Variants in NBAS observed in about 807,000 individuals in gnomAD.
The protein encoded by NBAS is NAG/BC035112 fusion.
In NBAS, 219 loss-of-function variants were observed where a neutral mutation model predicts 302.5. The ratio of observed to expected loss-of-function variants is 0.72; its 90% CI spans 0.65 to 0.81. The LOEUF is 0.81. Ranked by LOEUF, NBAS falls within the 30% of genes least tolerant of loss-of-function variation. The probability of loss-of-function intolerance (pLI) is 0.00; values close to 1 mark genes in which losing one functional copy is unlikely to be tolerated. For missense variants in NBAS, 2,932 were observed against 2,841.6 expected, an observed-to-expected ratio of 1.03 and a Z score of -0.72; for synonymous variants, 1,118 against 1,021.6, an observed-to-expected ratio of 1.09 and a Z score of -1.80.
the NBAS span, among the ~76,000 whole-genome samples, chr2:15,001,541 A>C: frequency 6.6e-6 from 1 of 152,234 alleles, no homozygotes; most frequent in East Asian, 1.9e-4. Flanking sequence ...TTATATTACA[A>C]TAGTTATAAT....
chr2:15,314,708 C>T (rs1199688643), intron 38 of NBAS, among the ~76,000 whole-genome samples: 2 of 152,134 alleles, frequency 1.3e-5, no homozygotes, highest in Non-Finnish European at 2.9e-5. Flanking sequence ...AACACATGTC[C>T]ACCAAAATAC....
At chr2:15,322,860 A>C (rs1671874900) in intron 38 of NBAS, among the ~76,000 whole-genome samples, 1 of 152,194 alleles carries the variant, frequency 6.6e-6, no homozygotes, top group Admixed American at 6.5e-5. Context: ...CAAAATATAC[A>C]AAATGTGATA....
chr2:15,140,397 G>T, the NBAS span, among the ~76,000 whole-genome samples: 4 of 152,178 alleles, frequency 2.6e-5, no homozygotes, highest in Admixed American at 6.5e-5. Flanking sequence ...CTAAATTTGG[G>T]GTGGTTTGTA....
chr2:15,500,707 G>A (rs994361238), intron 11 of NBAS, among the ~76,000 whole-genome samples: 59 of 146,878 alleles, frequency 4.0e-4, no homozygotes, highest in Admixed American at 6.8e-4. Flanking sequence ...AGGCCGAGGC[G>A]GGTGGATCAC....
chr2:15,356,132 C>T (rs1163874634), intron 33 of NBAS, among the ~76,000 whole-genome samples, 171 bp downstream of exon 33: 2 of 152,134 alleles, frequency 1.3e-5, no homozygotes, highest in African/African-American at 4.8e-5. Flanking sequence ...AAAATGTTTA[C>T]ATTAACATAT....
chr2:15,440,050 G>A (rs889301190), intron 21 of NBAS, among the ~76,000 whole-genome samples: 3 of 152,256 alleles, frequency 2.0e-5, no homozygotes, highest in Admixed American at 2.0e-4. Context: ...AGGCCTGCCT[G>A]CCTCTGTAGG....
At chr2:15,139,893 G>A in the NBAS span, among the ~76,000 whole-genome samples, 224 of 152,238 alleles carry the variant, frequency 1.5e-3, no homozygotes, top group Non-Finnish European at 2.0e-3. Context: ...AAATACAGCC[G>A]CAGTAACATC....
the NBAS span, among the ~76,000 whole-genome samples, chr2:15,020,155 A>T: frequency 6.6e-6 from 1 of 152,338 alleles, no homozygotes; most frequent in Admixed American, 6.5e-5. Context: ...GATGCTCCAA[A>T]GGGAAGAGAG....
At chr2:15,441,459 G>C (rs1309931389) in intron 21 of NBAS, among the ~76,000 whole-genome samples, 4 of 151,542 alleles carry the variant, frequency 2.6e-5, no homozygotes, top group East Asian at 1.9e-4. Flanking sequence ...CAAATGCTGA[G>C]AGATTTTGTC....
intron 28 of NBAS, among the ~76,000 whole-genome samples, chr2:15,394,025 C>G (rs572084489): frequency 6.6e-6 from 1 of 152,146 alleles, no homozygotes; most frequent in South Asian, 2.1e-4. Flanking sequence ...TTCAGGGGTA[C>G]TGGATGTGTT....
At chr2:15,307,104 C>A (rs1671067464) in intron 40 of NBAS, among the ~76,000 whole-genome samples, 1 of 152,174 alleles carries the variant, frequency 6.6e-6, no homozygotes, top group Admixed American at 6.5e-5. Context: ...AGGTGGGGAT[C>A]TAAAGGGGAC....
the NBAS span, among the ~76,000 whole-genome samples, chr2:15,127,644 C>T: frequency 4.6e-5 from 7 of 152,198 alleles, no homozygotes; most frequent in African/African-American, 1.4e-4. Flanking sequence ...ACTGTCTCAC[C>T]CAGGGACTTG....
intron 17 of NBAS, 141 bp from the exon 18 acceptor site, chr2:15,467,945 T>G (rs1679795276): frequency 4.0e-6 from 3 of 757,344 alleles, no homozygotes; most frequent in Non-Finnish European, 6.4e-6. Flanking sequence ...TTTGCCATTG[T>G]AAACAAAGTG....
intron 21 of NBAS, among the ~76,000 whole-genome samples, chr2:15,434,435 A>G (rs1312914535): frequency 6.6e-6 from 1 of 152,190 alleles, no homozygotes; most frequent in Non-Finnish European, 1.5e-5. Flanking sequence ...ATTACAAAGA[A>G]AGTCACCAGG....
the NBAS span, among the ~76,000 whole-genome samples, chr2:14,786,895 T>C: frequency 2.6e-5 from 4 of 152,264 alleles, no homozygotes; most frequent in African/African-American, 9.6e-5. Flanking sequence ...TTCTGTCTCA[T>C]TGATCTGTCT....
At chr2:15,554,406 T>A (rs1227171969) in intron 3 of NBAS, among the ~76,000 whole-genome samples, 1 of 151,778 alleles carries the variant, frequency 6.6e-6, no homozygotes, top group Non-Finnish European at 1.5e-5. Flanking sequence ...AGCATACCAA[T>A]CACAGAGCAG....
chr2:15,389,828 G>A (rs1675499527), intron 28 of NBAS, among the ~76,000 whole-genome samples: 1 of 152,158 alleles, frequency 6.6e-6, no homozygotes, highest in African/African-American at 2.4e-5. Flanking sequence ...GCACGATCAT[G>A]GCTCACTGCT....
At chr2:15,007,324 C>T in the NBAS span, among the ~76,000 whole-genome samples, 1 of 152,174 alleles carries the variant, frequency 6.6e-6, no homozygotes, top group Non-Finnish European at 1.5e-5. Flanking sequence ...CAGTGACATG[C>T]TGTTTGATAG....
At chr2:15,182,299 CTCATT>C (rs1287533204) in intron 50 of NBAS, among the ~76,000 whole-genome samples, 4 of 152,240 alleles carry the variant, frequency 2.6e-5, no homozygotes, top group Non-Finnish European at 5.9e-5. Flanking sequence ...AATGCATCAT[CTCATT>C]TAATTTCTCC....
Sources: allele counts gnomAD v4.1 joint callset (sites outside exome capture counted in the v4.1 genomes callset), GRCh38; gene constraint gnomAD v4.1.1; transcripts MANE v1.5; gene names NCBI Gene and HGNC (gene_info 2026-07-23, HGNC 2026-07-21).